The following GPCPD1 variants were observed in gnomAD, a reference collection of about 807,000 sequenced individuals.
The protein encoded by GPCPD1 is glycerophosphocholine phosphodiesterase GPCPD1.
Under a neutral mutation model 89.2 loss-of-function variants are expected in GPCPD1, and 29 were observed. That is an observed-to-expected ratio of 0.33 (90% CI 0.24 to 0.44). The LOEUF (loss-of-function observed/expected upper bound fraction) is 0.44, where lower values mean the gene tolerates loss of function less well. GPCPD1 is among the 20% of genes least tolerant of loss of function. The probability of loss-of-function intolerance (pLI) is 1.00; values close to 1 mark genes in which losing one functional copy is unlikely to be tolerated. For synonymous variants in GPCPD1, 258 were observed against 266.3 expected (o/e 0.97, Z 0.30); for missense variants, 594 against 808.9 (o/e 0.73, Z 3.22).
chr20:5,549,657 A>T (rs1050626545), intron 19 of GPCPD1, among the ~76,000 whole-genome samples: 8 of 149,546 alleles, frequency 5.3e-5, no homozygotes, highest in African/African-American at 2.0e-4. Context: ...CTGAGGTGGG[A>T]GGACTGGAAC....
chr20:5,604,622 G>GC (rs955884769), intron 1 of GPCPD1, among the ~76,000 whole-genome samples, 182 bp from the exon 2 acceptor site: 1 of 80,590 alleles, frequency 1.2e-5, no homozygotes, highest in East Asian at 4.4e-4. Context: ...GGGGGGGGGG[G>GC]GGCGGGAAAG....
chr20:5,588,739 C>T (rs923863131), intron 4 of GPCPD1, among the ~76,000 whole-genome samples: 4 of 151,816 alleles, frequency 2.6e-5, no homozygotes, highest in South Asian at 2.1e-4. Flanking sequence ...GCAGGGGAAT[C>T]CCATGAATCT....
intron 11 of GPCPD1, among the ~76,000 whole-genome samples, chr20:5,570,671 CG>C (rs1343672328): frequency 6.6e-6 from 1 of 152,150 alleles, no homozygotes; most frequent in Non-Finnish European, 1.5e-5. Flanking sequence ...TGCCTTAGCT[CG>C]GCTCCTTAGG....
intron 14 of GPCPD1, 138 bp from the exon 15 acceptor site, chr20:5,565,216 C>A: frequency 1.7e-6 from 1 of 576,258 alleles, no homozygotes. Context: ...GCATAAGTAA[C>A]TCTGAGATCC....
chr20:5,572,791 G>A (rs879207280), intron 11 of GPCPD1, among the ~76,000 whole-genome samples: 1 of 132,866 alleles, frequency 7.5e-6, no homozygotes. Context: ...CTAAAAAACA[G>A]ACTCTAACTG....
rs371569106 is a variant in GPCPD1 at position 5,575,872 on chromosome 20, A to C, written c.812T>G (p.Ile271Ser). The C allele has an allele frequency of 4.3e-6, 7 of 1,609,686 alleles. No homozygotes were observed. Among genetic ancestry groups the C allele is most frequent in the Non-Finnish European group, 5.9e-6 (7 of 1,176,560 alleles). The change falls in exon 9 of 20, where the codon ATT (isoleucine) becomes AGT (serine). Residue 271 changes from isoleucine (I) to serine (S), a missense_variant. Physicochemically the swap from Ile to Ser is moderately radical, Grantham distance 142. Transcript: ENST00000379019. Reference sequence around the variant, plus strand: ...TCTGCTCATGATGGGAAGAGTAAGAATTCCAGCACTCTTTCCACTCTCAGC... The same window carrying C: ...TCTGCTCATGATGGGAAGAGTAAGACTTCCAGCACTCTTTCCACTCTCAGC... ...TIAESGKSAGILTLPIMSRNS... is the reference protein window; with the variant it reads ...TIAESGKSAGSLTLPIMSRNS...
intron 18 of GPCPD1, 96 bp downstream of exon 18, chr20:5,558,588 G>T (rs965977275): frequency 2.8e-6 from 2 of 706,032 alleles, no homozygotes; most frequent in Admixed American, 3.7e-5. Context: ...TAGTCAAAAC[G>T]TTAACATTAG....
At chr20:5,570,548 C>T (rs193165482) in intron 11 of GPCPD1, among the ~76,000 whole-genome samples, 110 of 152,100 alleles carry the variant, frequency 7.2e-4, no homozygotes, top group Middle Eastern at 6.8e-3. Context: ...GAAAAGGAAC[C>T]CAACAAAAGC....
At position 5,557,414 on chromosome 20, in the gene GPCPD1, GAAC is replaced by G. The variant is rs149512761; in HGVS notation, c.1829+528_1829+530del. Among the ~76,000 whole-genome samples, 15 of 152,292 alleles carry G rather than the reference GAAC, an allele frequency of 9.8e-5. No individual in the cohort carries two copies. The East Asian group carries it at 2.7e-3, about 27-fold the overall frequency. ...TGATTCAGGATATATTTTGAAGACA[GAAC>G]AAAAAGATTTTCTATCTGACTGGAT... On this transcript the variant is annotated intron_variant, in intron 19 of 19. Transcript: ENST00000379019.
rs1195702551 is a variant in GPCPD1 at position 5,586,239 on chromosome 20, G to C, written c.262C>G (p.His88Asp). 2 of 1,598,226 alleles carry C rather than the reference G, an allele frequency of 1.3e-6. No homozygotes were observed. The highest frequency in any genetic ancestry group is 1.7e-6 in the Non-Finnish European group (2 of 1,165,908). ...TIGGPCQVIV[H>D]KWETHLQPRS... ...GGTTGTAGATGAGTCTCCCACTTGT[G>C]AACTATCACTTGACATGGACCACCG... is the stretch of plus-strand genomic sequence containing the variant. Residue 88 changes from histidine to aspartate, a missense_variant, in exon 5 of 20, where the codon CAC (histidine) becomes GAC (aspartate). His to Asp is a moderately conservative substitution (Grantham distance 81, BLOSUM62 -1). Coordinates refer to ENST00000379019, the MANE Select transcript of GPCPD1 (RefSeq NM_019593.5).
intron 19 of GPCPD1, 49 bp downstream of exon 19, chr20:5,557,895 GA>G (rs1985867472): frequency 1.0e-6 from 1 of 1,002,824 alleles, no homozygotes; most frequent in East Asian, 2.6e-5. Flanking sequence ...TTCGTAAGAT[GA>G]AATCTATACT....
chr20:5,584,264 AAGTC>A lies in GPCPD1; in HGVS notation c.349+13_349+16del. On this transcript the variant is annotated intron_variant, in intron 6 of 19. Transcript: ENST00000379019. ...CAATCATTTCAGTAAACATTTAAGT[AAGTC>A]AGTCTCACTTACTGTGGATTCCAAA... 1.7e-6 allele frequency: 2 copies of A among 1,195,866 alleles called. No homozygotes were observed. The highest frequency in any genetic ancestry group is 2.5e-6 in the Non-Finnish European group (2 of 806,312). The allele number at this position is 1,195,866 out of a possible 1,614,324, so 74.1% of individuals were successfully genotyped here.
chr20:5,592,888 CAG>C (rs1293883171), intron 4 of GPCPD1, among the ~76,000 whole-genome samples: 2 of 152,092 alleles, frequency 1.3e-5, no homozygotes, highest in Non-Finnish European at 2.9e-5. Flanking sequence ...AAATTTTGAT[CAG>C]AGTTAACACA....
At chr20:5,567,590 AAAGAAAGAAT>A (rs1197156352) in intron 12 of GPCPD1, 30 bp from the exon 13 acceptor site, 2 of 1,526,728 alleles carry the variant, frequency 1.3e-6, no homozygotes, top group African/African-American at 2.8e-5. Flanking sequence ...AAAGAAAGAA[AAAGAAAGAAT>A]AAAGAAAATT....
intron 1 of GPCPD1, among the ~76,000 whole-genome samples, 171 bp from the exon 2 acceptor site, chr20:5,604,611 C>CGGGGG (rs1209127849): frequency 8.1e-4 from 5 of 6,196 alleles, no homozygotes; most frequent in South Asian, 4.1e-3. Flanking sequence ...AACTTTAGTG[C>CGGGGG]GGGGGGGGGG....
chr20:5,578,531 C>G lies in GPCPD1; in HGVS notation c.554G>C (p.Ser185Thr). The G allele has an allele frequency of 6.2e-7, 1 of 1,613,154 alleles. No individual in the cohort carries two copies. ...GTCGCTTATTAAGGATATCTCCAAG[C>G]TATTGGACATTTTGTGGAGTACAGT... is the stretch of plus-strand genomic sequence containing the variant. ...SPTVLHKMSN[S>T]LEISLISDNE... Residue 185 changes from serine to threonine, a missense_variant, in exon 8 of 20, where the codon AGC (serine) becomes ACC (threonine). Coordinates refer to ENST00000379019, the MANE Select transcript of GPCPD1 (RefSeq NM_019593.5).
intron 19 of GPCPD1, among the ~76,000 whole-genome samples, chr20:5,553,209 CA>C (rs1286866106): frequency 6.6e-6 from 1 of 152,168 alleles, no homozygotes; most frequent in Non-Finnish European, 1.5e-5. Context: ...CACAATATTT[CA>C]AAGTTCATTA....
intron 6 of GPCPD1, among the ~76,000 whole-genome samples, chr20:5,582,213 A>C (rs994989093): frequency 3.4e-5 from 5 of 147,400 alleles, no homozygotes; most frequent in South Asian, 2.1e-4. Context: ...AAAAAAAAAA[A>C]AAAAAACTAC....
chr20:5,564,731 A>G (rs1249762024), intron 15 of GPCPD1, among the ~76,000 whole-genome samples: 6 of 152,104 alleles, frequency 3.9e-5, no homozygotes, highest in Non-Finnish European at 8.8e-5. Flanking sequence ...CAGCTATTTG[A>G]GAGACTGAGT....
Sources: gnomAD v4.1 joint callset for allele counts (sites outside exome capture counted in the v4.1 genomes callset) on GRCh38, gnomAD v4.1.1 for gene constraint, MANE v1.5 for transcripts, NCBI Gene and HGNC (gene_info 2026-07-23, HGNC 2026-07-21) for gene names.